KPNA6: variants seen among roughly 807,000 people sequenced by gnomAD.
KPNA6 encodes karyopherin subunit alpha 6.
Under a neutral mutation model 72.0 loss-of-function variants are expected in KPNA6, and 9 were observed. That is an observed-to-expected ratio of 0.13 (90% CI 0.08 to 0.22). The LOEUF (loss-of-function observed/expected upper bound fraction) is 0.22. Ranked by LOEUF, KPNA6 falls within the 10% of genes least tolerant of loss-of-function variation. The pLI is 1.00. For synonymous variants in KPNA6, 219 were observed against 242.1 expected, an observed-to-expected ratio of 0.90 and a Z score of 0.89; for missense variants, 374 against 655.7, an observed-to-expected ratio of 0.57 and a Z score of 4.69.
At chr1:32,119,629 A>G (rs961172436) in intron 1 of KPNA6, among the ~76,000 whole-genome samples, 4 of 151,924 alleles carry the variant, frequency 2.6e-5, no homozygotes, top group African/African-American at 7.3e-5. Context: ...GGACAACCCT[A>G]TTTCCTGGCT....
At chr1:32,141,751 A>G (rs937811742) in intron 1 of KPNA6, among the ~76,000 whole-genome samples, 4 of 152,034 alleles carry the variant, frequency 2.6e-5, no homozygotes, top group African/African-American at 9.7e-5. Flanking sequence ...GTCTCATGAA[A>G]GCAGTTTACT....
rs1000707532 is a variant in KPNA6 at position 32,111,196 on chromosome 1, A to G, written c.4+3062A>G. Among the ~76,000 whole-genome samples the G allele has an allele frequency of 7.2e-5, 11 of 152,338 alleles. No homozygotes were observed. In the East Asian group the frequency reaches 1.7e-3, roughly 24 times the overall value. ...ACTAATGTTTAATAAGCTCAGTGAAATAAGTAGAGATTTACTCAGTTTTAT... is the reference window on the plus strand; with the variant it reads ...ACTAATGTTTAATAAGCTCAGTGAAGTAAGTAGAGATTTACTCAGTTTTAT... On this transcript the variant is annotated intron_variant, in intron 1 of 13. Transcript: ENST00000373625.
chr1:32,137,250 C>T (rs1424453859), intron 1 of KPNA6, among the ~76,000 whole-genome samples: 1 of 152,146 alleles, frequency 6.6e-6, no homozygotes, highest in African/African-American at 2.4e-5. Flanking sequence ...CAGCACGGCT[C>T]ACTGTAGTCT....
chr1:32,148,027 A>G (rs1641961718), intron 1 of KPNA6, among the ~76,000 whole-genome samples: 1 of 152,152 alleles, frequency 6.6e-6, no homozygotes, highest in East Asian at 1.9e-4. Flanking sequence ...TTTGTATGTG[A>G]TAAGTCACTT....
intron 1 of KPNA6, among the ~76,000 whole-genome samples, chr1:32,119,935 A>G (rs1641403219): frequency 2.0e-5 from 3 of 151,490 alleles, no homozygotes; most frequent in African/African-American, 7.3e-5. Flanking sequence ...AGTAGACTTC[A>G]CCATATTGGC....
chr1:32,146,030 T>C lies in KPNA6; in HGVS notation c.5-8558T>C, dbSNP rs1473745198. The stretch of plus-strand genomic sequence containing the variant: ...GAGACACTTTTAGTGGGCTAACATA[T>C]GGCCTATCCTGGAGAATCTATACTT... On this transcript the variant is annotated intron_variant, in intron 1 of 13. Coordinates refer to ENST00000373625, the MANE Select transcript of KPNA6 (RefSeq NM_012316.5). 2.6e-5 allele frequency among the ~76,000 whole-genome samples: 4 copies of C among 152,232 alleles called. No individual in the cohort carries two copies. In the East Asian group the frequency reaches 5.8e-4, roughly 22 times the overall value.
chr1:32,119,017 TATATA>T (rs1641380886), intron 1 of KPNA6, among the ~76,000 whole-genome samples: 11 of 77,418 alleles, frequency 1.4e-4, no homozygotes, highest in South Asian at 5.4e-4. Flanking sequence ...TATATATATA[TATATA>T]TATATATATA....
At chr1:32,142,163 G>A (rs1469007049) in intron 1 of KPNA6, among the ~76,000 whole-genome samples, 1 of 150,750 alleles carries the variant, frequency 6.6e-6, no homozygotes, top group Non-Finnish European at 1.5e-5. Context: ...GGCTGAGGCA[G>A]GAGGATCGCT....
chr1:32,117,725 C>T (rs892218455), intron 1 of KPNA6, among the ~76,000 whole-genome samples: 1 of 152,078 alleles, frequency 6.6e-6, no homozygotes, highest in Non-Finnish European at 1.5e-5. Context: ...TTCTCAGATT[C>T]TCATGTTTTA....
intron 1 of KPNA6, among the ~76,000 whole-genome samples, chr1:32,113,446 GTA>G (rs1006311191): frequency 6.6e-6 from 1 of 151,930 alleles, no homozygotes; most frequent in African/African-American, 2.4e-5. Context: ...ATGTATGTAT[GTA>G]TATATGTTTT....
At chr1:32,147,633 CT>C (rs1282165753) in intron 1 of KPNA6, among the ~76,000 whole-genome samples, 1 of 135,122 alleles carries the variant, frequency 7.4e-6, no homozygotes, top group African/African-American at 2.8e-5. Context: ...TGCCTTCTGA[CT>C]TTCGTGATTT....
chr1:32,170,112 A>G (rs760925094), intron 13 of KPNA6, 52 bp downstream of exon 13: 71 of 1,515,306 alleles, frequency 4.7e-5, no homozygotes, highest in Non-Finnish European at 6.0e-5. Flanking sequence ...TAGGCCTCCA[A>G]CGTGGTATAC....
At chr1:32,157,012 C>A in intron 3 of KPNA6, 67 bp downstream of exon 3, 1 of 1,149,376 alleles carries the variant, frequency 8.7e-7, no homozygotes, top group Non-Finnish European at 1.3e-6. Context: ...GAAATTGGGC[C>A]GTTCACATCA....
intron 1 of KPNA6, among the ~76,000 whole-genome samples, chr1:32,140,015 ATAAT>A (rs931174095): frequency 5.3e-5 from 8 of 152,230 alleles, no homozygotes; most frequent in African/African-American, 1.2e-4. Flanking sequence ...ATATGTTGAA[ATAAT>A]TAAGAAATTT....
rs900288898 is a variant in KPNA6 at position 32,129,136 on chromosome 1, CCCTT to C, written c.4+21018_4+21021del. Among the ~76,000 whole-genome samples the C allele has an allele frequency of 2.1e-4, 32 of 150,260 alleles. No homozygotes were observed. The Middle Eastern group carries it at 0.01, about 48-fold the overall frequency. On this transcript the variant is annotated intron_variant, in intron 1 of 13. Coordinates refer to ENST00000373625, the MANE Select transcript of KPNA6 (RefSeq NM_012316.5). The stretch of plus-strand genomic sequence containing the variant: ...CCTCCCTCTCTCTCTCTCCCTCCCT[CCCTT>C]CCTTCCTTCCTTCCTCTTTTTTTTC...
chr1:32,117,613 G>T (rs1194742957), intron 1 of KPNA6, among the ~76,000 whole-genome samples: 1 of 152,048 alleles, frequency 6.6e-6, no homozygotes, highest in East Asian at 1.9e-4. Context: ...AACATAGTGA[G>T]ACCCTGTCTC....
chr1:32,160,499 T>C lies in KPNA6; in HGVS notation c.559-116T>C, dbSNP rs1233219679. 12 of 747,810 alleles carry C rather than the reference T, an allele frequency of 1.6e-5. No individual in the cohort carries two copies. The East Asian group carries it at 2.9e-4, about 18-fold the overall frequency. 46.3% of individuals were successfully genotyped at this position (747,810 alleles called of 1,614,324 possible). A position where few individuals can be genotyped will look rare whatever the true frequency, so the allele number is the denominator to read the frequency against. On this transcript the variant is annotated intron_variant, in intron 6 of 13. Coordinates refer to ENST00000373625, the MANE Select transcript of KPNA6 (RefSeq NM_012316.5). ...AGGTTACCTGAGCTTGTGTAGTATA[T>C]TTGGGGCCTTGACATCATTCTCATC...
intron 1 of KPNA6, among the ~76,000 whole-genome samples, chr1:32,139,160 C>G (rs1055799846): frequency 6.6e-6 from 1 of 152,102 alleles, no homozygotes; most frequent in Non-Finnish European, 1.5e-5. Flanking sequence ...GTGATTCACT[C>G]GACAAATATT....
At chr1:32,140,054 T>C (rs1641810604) in intron 1 of KPNA6, among the ~76,000 whole-genome samples, 1 of 152,180 alleles carries the variant, frequency 6.6e-6, no homozygotes, top group Non-Finnish European at 1.5e-5. Context: ...TATTGGGTAT[T>C]TTGTTAATTT....
Sources: allele counts gnomAD v4.1 joint callset (sites outside exome capture counted in the v4.1 genomes callset), GRCh38; gene constraint gnomAD v4.1.1; transcripts MANE v1.5; gene names NCBI Gene and HGNC (gene_info 2026-07-23, HGNC 2026-07-21).